INPP5A: variants seen among roughly 807,000 people sequenced by gnomAD.
INPP5A encodes the protein inositol polyphosphate-5-phosphatase A, also known as 43 kDa inositol polyphosphate 5-phophatase.
In INPP5A, 14 loss-of-function variants were observed where a neutral mutation model predicts 65.2. The observed-to-expected ratio is 0.21, with a 90% CI of 0.14 to 0.34. The LOEUF (loss-of-function observed/expected upper bound fraction) is 0.34, where lower values mean the gene tolerates loss of function less well. INPP5A is among the 10% of genes least tolerant of loss of function. The pLI is 1.00. For missense variants in INPP5A, 431 were observed against 545.6 expected (o/e 0.79, Z 2.09); for synonymous variants, 207 against 208.3 (o/e 0.99, Z 0.05).
rs1018613482 is a variant in INPP5A at position 132,546,529 on chromosome 10, G to A, written c.75+8358G>A. ...CTGGGGACCAGCTGGTTGCTGTGTC[G>A]GGGGGCCGTGCTCCCCCTTCTCTCT... is the stretch of plus-strand genomic sequence containing the variant. On this transcript the variant is annotated intron_variant, in intron 1 of 15. Coordinates refer to ENST00000368594, the MANE Select transcript of INPP5A (RefSeq NM_005539.5). This position sits in a 1 kb window ranked among gnomAD's most constrained non-coding sequence, Gnocchi z 5.7. 2.6e-5 allele frequency among the ~76,000 whole-genome samples: 4 copies of A among 152,078 alleles called. No homozygotes were observed. The highest frequency in any genetic ancestry group is 2.1e-4 in the South Asian group (1 of 4,818).
intron 9 of INPP5A, among the ~76,000 whole-genome samples, chr10:132,736,676 A>G (rs1341712141): frequency 6.6e-6 from 1 of 152,228 alleles, no homozygotes; most frequent in Non-Finnish European, 1.5e-5. Context: ...AGCCAAGGCC[A>G]GGCTGCCCAG....
Position 132,708,432 on chromosome 10 carries a change from G to C in INPP5A, c.527+67G>C, listed in dbSNP as rs571559932. Reference sequence around the variant, plus strand: ...TACCCTTTTATATCTTGCACCAGCGGCATGTTCCACACACCTCATTGGAGG... The same window carrying C: ...TACCCTTTTATATCTTGCACCAGCGCCATGTTCCACACACCTCATTGGAGG... On this transcript the variant is annotated intron_variant, in intron 7 of 15. Transcript: ENST00000368594. 8.4e-5 allele frequency: 125 copies of C among 1,491,226 alleles called. No homozygotes were observed. The South Asian group carries it at 1.3e-3, about 15-fold the overall frequency. 92.4% of individuals were successfully genotyped at this position (1,491,226 alleles called of 1,614,324 possible).
chr10:132,666,545 G>A (rs558147155), intron 4 of INPP5A, among the ~76,000 whole-genome samples: 4 of 152,272 alleles, frequency 2.6e-5, no homozygotes, highest in Admixed American at 6.5e-5. Context: ...CGCTGGCCCC[G>A]TGGCGCACCA....
intron 12 of INPP5A, among the ~76,000 whole-genome samples, chr10:132,775,331 T>TC (rs889379850): frequency 5.6e-4 from 85 of 151,248 alleles, no homozygotes; most frequent in South Asian, 3.1e-3. Context: ...CCTGTGTGCC[T>TC]CCCCCCCCAC....
chr10:132,649,372 C>T (rs759790313), intron 3 of INPP5A, among the ~76,000 whole-genome samples: 4 of 152,336 alleles, frequency 2.6e-5, no homozygotes, highest in Admixed American at 6.5e-5. Flanking sequence ...ACGGCTTCTT[C>T]GTAGGATGAC....
At position 132,654,684 on chromosome 10, in the gene INPP5A, G is replaced by A. The variant is rs545627763; in HGVS notation, c.306+4179G>A. Among the ~76,000 whole-genome samples, 19 of 152,364 alleles carry A rather than the reference G, an allele frequency of 1.2e-4. 1 individual carries two copies. In the South Asian group the frequency reaches 3.7e-3, roughly 30 times the overall value. ...GTATTGGAGCAATATTTTTAGCTGA[G>A]TCTGGTTCAAATAATAGGCCATTAA... On this transcript the variant is annotated intron_variant, in intron 4 of 15. Transcript: ENST00000368594.
intron 9 of INPP5A, among the ~76,000 whole-genome samples, chr10:132,737,357 C>T (rs771575920): frequency 1.2e-4 from 19 of 152,238 alleles, no homozygotes; most frequent in Non-Finnish European, 2.1e-4. Flanking sequence ...TGGAAAGATG[C>T]ACACAGCCCC....
In INPP5A at chr10:132,603,995, G is replaced by A. The variant is rs544201711; in HGVS notation, c.76-3920G>A. On this transcript the variant is annotated intron_variant, in intron 1 of 15. Coordinates refer to ENST00000368594, the MANE Select transcript of INPP5A (RefSeq NM_005539.5). The surrounding 1 kb of genome is among the most constrained non-coding windows in gnomAD (Gnocchi z 4.2). ...GCCGTCAGGGTCCCCTCTCCGTCCC[G>A]CCCTGTGCCGTCAGGGTCCCCTCTC... Among the ~76,000 whole-genome samples the A allele has an allele frequency of 1.2e-3, 172 of 144,308 alleles. 2 individuals carry two copies. In the South Asian group the frequency reaches 0.016, roughly 13 times the overall value. The allele number at this position is 144,308 out of a possible 152,430, so 94.7% of individuals were successfully genotyped here. A position where few individuals can be genotyped will look rare whatever the true frequency, so the allele number is the denominator to read the frequency against.
intron 4 of INPP5A, among the ~76,000 whole-genome samples, chr10:132,681,171 C>T (rs533252056): frequency 1.2e-3 from 185 of 152,344 alleles, no homozygotes; most frequent in African/African-American, 4.2e-3. Context: ...ATTGTAAACG[C>T]ACCAATCAGC....
intron 2 of INPP5A, among the ~76,000 whole-genome samples, chr10:132,615,617 G>T (rs2072021418): frequency 6.6e-6 from 1 of 152,224 alleles, no homozygotes; most frequent in Non-Finnish European, 1.5e-5. Context: ...CTGCATTTCT[G>T]CCCCTGGTGA....
rs2072970156 is a variant in INPP5A at position 132,676,811 on chromosome 10, A to G, written c.307-13581A>G. The stretch of plus-strand genomic sequence containing the variant: ...GGCTCTCACCTGCTCCTGTCTCTCC[A>G]CAGTAGTAGCCTCAGTCCAGTGCTT... On this transcript the variant is annotated intron_variant, in intron 4 of 15. Coordinates refer to ENST00000368594, the MANE Select transcript of INPP5A (RefSeq NM_005539.5). The surrounding 1 kb of genome is among the most constrained non-coding windows in gnomAD (Gnocchi z 4.0). Among the ~76,000 whole-genome samples, 3 of 152,078 alleles carry G rather than the reference A, an allele frequency of 2.0e-5. No homozygotes were observed. The South Asian group carries it at 6.2e-4, about 32-fold the overall frequency.
chr10:132,762,582 A>T lies in INPP5A; in HGVS notation c.904-3191A>T, dbSNP rs1383516827. Among the ~76,000 whole-genome samples, 2 of 152,226 alleles carry T rather than the reference A, an allele frequency of 1.3e-5. No individual in the cohort carries two copies. The highest frequency in any genetic ancestry group is 2.9e-5 in the Non-Finnish European group (2 of 68,044). On this transcript the variant is annotated intron_variant, in intron 11 of 15. Coordinates refer to ENST00000368594, the MANE Select transcript of INPP5A (RefSeq NM_005539.5). This position sits in a 1 kb window ranked among gnomAD's most constrained non-coding sequence, Gnocchi z 4.6. Reference sequence around the variant, plus strand: ...ACACAGCCCCACCAGCAGGTCCCACAGAGAACCAGGAGTAGCTGAGCTTCT... The same window carrying T: ...ACACAGCCCCACCAGCAGGTCCCACTGAGAACCAGGAGTAGCTGAGCTTCT...
rs1286626375 is a variant in INPP5A at position 132,685,218 on chromosome 10, G to A, written c.307-5174G>A. On this transcript the variant is annotated intron_variant, in intron 4 of 15. Coordinates refer to ENST00000368594, the MANE Select transcript of INPP5A (RefSeq NM_005539.5). Reference sequence around the variant, plus strand: ...TTAGTCAGGGCTCCCCTGGGCCGCGGGCCGTGGCCTCCTCCCTCAACACTT... The same window carrying A: ...TTAGTCAGGGCTCCCCTGGGCCGCGAGCCGTGGCCTCCTCCCTCAACACTT... 3.3e-5 allele frequency among the ~76,000 whole-genome samples: 5 copies of A among 152,254 alleles called. No homozygotes were observed. In the East Asian group the frequency reaches 9.7e-4, roughly 29 times the overall value.
chr10:132,641,930 G>T (rs1480215131), intron 2 of INPP5A, among the ~76,000 whole-genome samples: 1 of 152,326 alleles, frequency 6.6e-6, no homozygotes, highest in South Asian at 2.1e-4. Context: ...CTTTGAGGGC[G>T]TCATCACCCC....
chr10:132,694,744 A>T (rs1845319385), intron 5 of INPP5A, among the ~76,000 whole-genome samples: 1 of 152,200 alleles, frequency 6.6e-6, no homozygotes, highest in Admixed American at 6.5e-5. Flanking sequence ...CATTTAAAGG[A>T]TAATAAAAGA....
At chr10:132,619,617 G>T (rs2072085487) in intron 2 of INPP5A, among the ~76,000 whole-genome samples, 1 of 152,188 alleles carries the variant, frequency 6.6e-6, no homozygotes, top group South Asian at 2.1e-4. Context: ...CCTTGACACT[G>T]CCCCTATAGA....
At chr10:132,593,538 G>T (rs2071645527) in intron 1 of INPP5A, among the ~76,000 whole-genome samples, 1 of 152,144 alleles carries the variant, frequency 6.6e-6, no homozygotes, top group South Asian at 2.1e-4. Flanking sequence ...ACTTTTTTGT[G>T]TGAGAAAGTT....
At chr10:132,581,167 G>A (rs564013201) in intron 1 of INPP5A, among the ~76,000 whole-genome samples, 2 of 152,236 alleles carry the variant, frequency 1.3e-5, no homozygotes, top group African/African-American at 2.4e-5. Flanking sequence ...TTTGAGATGG[G>A]TCCATATTCT....
chr10:132,715,390 C>T (rs1257090963), intron 8 of INPP5A, among the ~76,000 whole-genome samples: 2 of 152,230 alleles, frequency 1.3e-5, no homozygotes, highest in African/African-American at 4.8e-5. Flanking sequence ...ATTTGATCAA[C>T]ATTGGGACAT....
Sources: gnomAD v4.1 joint callset for allele counts (sites outside exome capture counted in the v4.1 genomes callset) on GRCh38, gnomAD v4.1.1 for gene constraint, Gnocchi (gnomAD v3.1) non-coding constraint, MANE v1.5 for transcripts, NCBI Gene and HGNC (gene_info 2026-07-23, HGNC 2026-07-21) for gene names.